The following NR4A1 variants were observed in gnomAD, a reference collection of about 807,000 sequenced individuals.
NR4A1 encodes nuclear receptor subfamily 4 group A member 1.
NR4A1 carries 24 observed loss-of-function variants against 47.5 expected under a neutral mutation model. That is an observed-to-expected ratio of 0.50 (90% CI 0.37 to 0.71). The LOEUF (loss-of-function observed/expected upper bound fraction) is 0.71. Ranked by LOEUF, NR4A1 falls within the 30% of genes least tolerant of loss-of-function variation. NR4A1 has a pLI of 0.00. For missense variants in NR4A1, 669 were observed against 788.6 expected (o/e 0.85, Z 1.82); for synonymous variants, 353 against 345.7 (o/e 1.02, Z -0.24).
At chr12:52,050,736 G>A (rs1017938463), upstream of NR4A1, among the ~76,000 whole-genome samples, 4 of 152,284 alleles carry the variant, frequency 2.6e-5, no homozygotes, top group East Asian at 1.9e-4. Flanking sequence ...CGTCTCAGGG[G>A]CAGCCTCTCA....
At chr12:52,040,633 A>G (rs1592286631) in intron 1 of NR4A1, among the ~76,000 whole-genome samples, 1 of 152,070 alleles carries the variant, frequency 6.6e-6, no homozygotes, top group Non-Finnish European at 1.5e-5. Context: ...GCTTCCCATC[A>G]TACCCACAGG....
intron 1 of NR4A1, chr12:52,038,662 T>TA: frequency 5.3e-6 from 4 of 754,522 alleles, no homozygotes; most frequent in Non-Finnish European, 9.7e-6. Context: ...GATGGAGACT[T>TA]AAAAAGGAAG....
intron 1 of NR4A1, chr12:52,053,331 T>A (rs2603759): frequency 0.14 from 21,151 of 152,036 alleles, 2,069 homozygotes; most frequent in African/African-American, 0.28. Flanking sequence ...GCACAGACCC[T>A]GCTTTAGTGG....
chr12:52,058,865 T>C lies in NR4A1; in HGVS notation c.1718T>C (p.Ile573Thr). Residue 573 changes from isoleucine (I) to threonine (T), a missense_variant, in exon 7 of 7, where the codon ATC (isoleucine) becomes ACC (threonine). Transcript: ENST00000394825. ...RTLCTQGLQRIFYLKLEDLVP... is the reference protein window; with the variant it reads ...RTLCTQGLQRTFYLKLEDLVP... Reference sequence around the variant, plus strand: ...CTGTGCACCCAGGGCCTGCAGCGCATCTTCTACCTCAAGCTGGAGGACTTG... The same window carrying C: ...CTGTGCACCCAGGGCCTGCAGCGCACCTTCTACCTCAAGCTGGAGGACTTG... 6.2e-7 allele frequency: 1 copy of C among 1,614,094 alleles called. No homozygotes were observed. Among genetic ancestry groups the C allele is most frequent in the Non-Finnish European group, 8.5e-7 (1 of 1,179,964 alleles).
intron 1 of NR4A1, among the ~76,000 whole-genome samples, chr12:52,034,316 G>T (rs1176437226): frequency 6.6e-6 from 1 of 152,194 alleles, no homozygotes; most frequent in Non-Finnish European, 1.5e-5. Context: ...GGATGTCCTG[G>T]CAATGTTTCC....
intron 1 of NR4A1, among the ~76,000 whole-genome samples, chr12:52,032,574 C>T (rs965832275): frequency 1.3e-5 from 2 of 152,200 alleles, no homozygotes; most frequent in Admixed American, 1.3e-4. Context: ...GAACATTCAT[C>T]TCTCCTACTT....
At chr12:52,025,130 G>C (rs1324534565) in intron 1 of NR4A1, among the ~76,000 whole-genome samples, 1 of 151,062 alleles carries the variant, frequency 6.6e-6, no homozygotes, top group African/African-American at 2.4e-5. Flanking sequence ...CACAACCCCG[G>C]CTCACTGCAC....
chr12:52,056,290 C>T, intron 3 of NR4A1, 131 bp downstream of exon 3: 2 of 1,432,740 alleles, frequency 1.4e-6, no homozygotes, highest in South Asian at 1.4e-5. Flanking sequence ...CCTCTGAACC[C>T]CAGGCCTTGG....
chr12:52,044,168 A>G (rs533082956), intron 2 of NR4A1, among the ~76,000 whole-genome samples: 4 of 152,240 alleles, frequency 2.6e-5, no homozygotes, highest in Non-Finnish European at 5.9e-5. Flanking sequence ...GCTTCCCCAC[A>G]GGGTGTCCGT....
Position 52,058,956 on chromosome 12 carries a change from G to A in NR4A1, c.*12G>A. On this transcript the variant is annotated 3_prime_UTR_variant, in exon 7 of 7. Coordinates refer to ENST00000394825, the MANE Select transcript of NR4A1 (RefSeq NM_173157.3). ...CGCTGCCCTTCTGACCCCTGCCTGG[G>A]AACACGTGTGCACATGCGCACTCTC... 6.2e-7 allele frequency: 1 copy of A among 1,605,240 alleles called. No homozygotes were observed. The highest frequency in any genetic ancestry group is 8.5e-7 in the Non-Finnish European group (1 of 1,173,384).
chr12:52,052,268 CGTGTGTGTGTGTGTGTGT>C (rs60552358), intron 1 of NR4A1, among the ~76,000 whole-genome samples: 1 of 129,920 alleles, frequency 7.7e-6, no homozygotes, highest in Non-Finnish European at 1.6e-5. Context: ...GCTTGGATCA[CGTGTGTGTGTGTGTGTGT>C]GTGTGTGTGT....
chr12:52,055,285 C>T (rs757625751), intron 2 of NR4A1, 81 bp downstream of exon 2: 26 of 1,550,386 alleles, frequency 1.7e-5, no homozygotes, highest in Non-Finnish European at 2.3e-5. Context: ...GTGGTCTCCC[C>T]CTGGGTTCTC....
Position 52,051,676 on chromosome 12 carries a change from A to G in NR4A1, c.-3+108A>G, listed in dbSNP as rs980142958. The stretch of plus-strand genomic sequence containing the variant: ...TTGTAGGGCCGGCATGCAAGAGGGT[A>G]GGTGTAGTGTGCAGCTGTAGCACAA... On this transcript the variant is annotated intron_variant, in intron 1 of 6. Transcript: ENST00000394825. 1.1e-4 allele frequency: 78 copies of G among 733,794 alleles called. No homozygotes were observed. The African/African-American group carries it at 1.4e-3, about 13-fold the overall frequency. 45.5% of individuals were successfully genotyped at this position (733,794 alleles called of 1,614,324 possible).
At chr12:52,055,600 G>C in intron 2 of NR4A1, 2 of 451,782 alleles carry the variant, frequency 4.4e-6, no homozygotes, top group Non-Finnish European at 7.8e-6. Context: ...CGGAGGGTTT[G>C]GTTCTTGAGG....
intron 6 of NR4A1, among the ~76,000 whole-genome samples, 192 bp downstream of exon 6, chr12:52,057,722 C>T (rs1375492711): frequency 6.6e-6 from 1 of 152,252 alleles, no homozygotes; most frequent in Non-Finnish European, 1.5e-5. Flanking sequence ...CTGCATCCAG[C>T]TCTAAAGCGC....
chr12:52,024,143 C>G (rs1937952286), intron 1 of NR4A1, among the ~76,000 whole-genome samples: 1 of 152,140 alleles, frequency 6.6e-6, no homozygotes, highest in African/African-American at 2.4e-5. Context: ...CGCGAAGGAG[C>G]CTGTGAGTGT....
chr12:52,040,235 C>G (rs971502114), intron 1 of NR4A1, among the ~76,000 whole-genome samples: 1 of 152,166 alleles, frequency 6.6e-6, no homozygotes, highest in Non-Finnish European at 1.5e-5. Flanking sequence ...GCATTTTGAT[C>G]TGGAACAAGT....
At chr12:52,033,223 G>C (rs1223861565) in intron 1 of NR4A1, among the ~76,000 whole-genome samples, 3 of 152,096 alleles carry the variant, frequency 2.0e-5, no homozygotes, top group African/African-American at 7.2e-5. Context: ...GCTCGGCCCT[G>C]TTCCTTCCGG....
At chr12:52,027,133 G>C (rs1342752065) in intron 1 of NR4A1, among the ~76,000 whole-genome samples, 1 of 152,218 alleles carries the variant, frequency 6.6e-6, no homozygotes, top group Non-Finnish European at 1.5e-5. Context: ...TGGGAGGTGG[G>C]AGCAGCCCCA....
Sources: gnomAD v4.1 joint callset for allele counts (sites outside exome capture counted in the v4.1 genomes callset) on GRCh38, gnomAD v4.1.1 for gene constraint, MANE v1.5 for transcripts, NCBI Gene and HGNC (gene_info 2026-07-23, HGNC 2026-07-21) for gene names.